The following CDC42BPB variants were observed in gnomAD, a reference collection of about 807,000 sequenced individuals.
CDC42BPB encodes the protein CDC42 binding protein kinase beta, also known as serine/threonine-protein kinase MRCK beta.
A neutral mutation model predicts 214.9 loss-of-function variants in CDC42BPB; 37 were observed. The ratio of observed to expected loss-of-function variants is 0.17; its 90% CI spans 0.13 to 0.23. CDC42BPB has a LOEUF of 0.23. Among genes scored for constraint, CDC42BPB ranks in the 10% least tolerant of loss-of-function variants. The pLI is 1.00. For missense variants in CDC42BPB, 1,694 were observed against 2,227.0 expected, an observed-to-expected ratio of 0.76 and a Z score of 4.82; for synonymous variants, 931 against 884.0, an observed-to-expected ratio of 1.05 and a Z score of -0.94.
In CDC42BPB at chr14:102,944,023, C is replaced by G; in HGVS notation, c.4276G>C (p.Ala1426Pro). 1 of 1,613,486 alleles carries G rather than the reference C, an allele frequency of 6.2e-7. No individual in the cohort carries two copies. Among genetic ancestry groups the G allele is most frequent in the Non-Finnish European group, 8.5e-7 (1 of 1,180,014 alleles). Residue 1426 changes from alanine (A) to proline (P), a missense_variant, in exon 30 of 37, where the codon GCC becomes CCC. Transcript: ENST00000361246. The surrounding 1 kb of genome is among the most constrained non-coding windows in gnomAD (Gnocchi z 6.6). ...LAFLSQQSFDALCAVELESEE... is the reference protein window; with the variant it reads ...LAFLSQQSFDPLCAVELESEE... ...CTTTCGAGCTCCACAGCACAAAGGG[C>G]ATCAAAAGACTGTTGTGAGAGGAAC...
Position 102,944,670 on chromosome 14 carries a change from C to T in CDC42BPB, c.3812-183G>A, listed in dbSNP as rs1360172828. On this transcript the variant is annotated intron_variant, in intron 29 of 36. Coordinates refer to ENST00000361246, the MANE Select transcript of CDC42BPB (RefSeq NM_006035.4). This position sits in a 1 kb window ranked among gnomAD's most constrained non-coding sequence, Gnocchi z 6.6. ...GCCCACAGAGCCAGTGGCTTGAACGCCCCCCGGAGAAGCTGCCCCACATCC... is the reference window on the plus strand; with the variant it reads ...GCCCACAGAGCCAGTGGCTTGAACGTCCCCCGGAGAAGCTGCCCCACATCC... The T allele has an allele frequency of 1.0e-6, 1 of 984,952 alleles. No individual in the cohort carries two copies. The allele number at this position is 984,952 out of a possible 1,614,324, so 61.0% of individuals were successfully genotyped here.
chr14:102,954,223 T>C lies in CDC42BPB; in HGVS notation c.3041A>G (p.Gln1014Arg), dbSNP rs1343898761. Residue 1014 changes from glutamine (Q) to arginine (R), a missense_variant, in exon 23 of 37, where the codon CAG (glutamine) becomes CGG (arginine). Physicochemically the swap from Gln to Arg is conservative, Grantham distance 43. Coordinates refer to ENST00000361246, the MANE Select transcript of CDC42BPB (RefSeq NM_006035.4). Reference sequence around the variant, plus strand: ...CTTCGGTCCAGCCAGAGCCAGGGCCTGCGTGGTGGGCAACGGCACAGCGGA... The same window carrying C: ...CTTCGGTCCAGCCAGAGCCAGGGCCCGCGTGGTGGGCAACGGCACAGCGGA... ...RPSAVPLPTT[Q>R]ALALAGPKPK... The C allele has an allele frequency of 1.3e-6, 2 of 1,548,130 alleles. No homozygotes were observed. Among genetic ancestry groups the C allele is most frequent in the African/African-American group, 2.7e-5 (2 of 72,892 alleles).
Position 102,944,238 on chromosome 14 carries a change from C to G in CDC42BPB, c.4061G>C (p.Cys1354Ser). The G allele has an allele frequency of 6.2e-7, 1 of 1,613,250 alleles. No individual in the cohort carries two copies. The highest frequency in any genetic ancestry group is 8.5e-7 in the Non-Finnish European group (1 of 1,180,038). The part of the protein sequence containing the change: ...LFVAVKRLIL[C>S]YEIQRTKPFH... Reference sequence around the variant, plus strand: ...TGGCTTCGTTCTCTGGATCTCATAGCAAAGGATCAGCCGTTTCACGGCCAC... The same window carrying G: ...TGGCTTCGTTCTCTGGATCTCATAGGAAAGGATCAGCCGTTTCACGGCCAC... The change falls in exon 30 of 37, where the codon TGC becomes TCC. Residue 1354 changes from cysteine to serine, a missense_variant. Coordinates refer to ENST00000361246, the MANE Select transcript of CDC42BPB (RefSeq NM_006035.4). This position sits in a 1 kb window ranked among gnomAD's most constrained non-coding sequence, Gnocchi z 6.6.
chr14:102,961,734 G>C (rs1892971650), intron 20 of CDC42BPB, among the ~76,000 whole-genome samples: 1 of 152,130 alleles, frequency 6.6e-6, no homozygotes, highest in Non-Finnish European at 1.5e-5. Flanking sequence ...CAAGAGATGG[G>C]GTTTCTCCAT....
chr14:102,954,351 T>C (rs1246298806), intron 22 of CDC42BPB, 76 bp from the exon 23 acceptor site: 1 of 1,446,200 alleles, frequency 6.9e-7, no homozygotes, highest in Non-Finnish European at 9.2e-7. Context: ...GGGGTGCACT[T>C]CTCTCAAGAA....
Position 102,947,794 on chromosome 14 carries a change from T to A in CDC42BPB, c.3458A>T (p.Glu1153Val). The A allele has an allele frequency of 6.2e-7, 1 of 1,612,496 alleles. No homozygotes were observed. Among genetic ancestry groups the A allele is most frequent in the Non-Finnish European group, 8.5e-7 (1 of 1,179,856 alleles). Residue 1153 changes from glutamate to valine, a missense_variant, in exon 27 of 37, where the codon GAG becomes GTG. Physicochemically the swap from Glu to Val is moderately radical, Grantham distance 121. Transcript: ENST00000361246. ...ASQVLDLRDD[E>V]FSVSSVLASD... ...GGCCAGGACTGAGCTCACGGAAAAC[T>A]CGTCATCTCTGGTAAGGAAGAAACA...
chr14:102,977,724 G>T (rs2139503085), intron 9 of CDC42BPB, among the ~76,000 whole-genome samples: 1 of 152,310 alleles, frequency 6.6e-6, no homozygotes, highest in South Asian at 2.1e-4. Context: ...GCGGCCTATT[G>T]GTCAGGGGTT....
intron 5 of CDC42BPB, among the ~76,000 whole-genome samples, chr14:102,989,647 A>G (rs964859581): frequency 6.6e-6 from 1 of 152,118 alleles, no homozygotes; most frequent in Non-Finnish European, 1.5e-5. Flanking sequence ...CTGAGGTGGA[A>G]GGATCGCCTG....
intron 30 of CDC42BPB, chr14:102,941,111 C>T (rs1187674539): frequency 5.1e-6 from 5 of 984,756 alleles, no homozygotes; most frequent in Non-Finnish European, 6.0e-6. Flanking sequence ...GAGCGGTGTG[C>T]GTCTTCCGCT....
intron 1 of CDC42BPB, among the ~76,000 whole-genome samples, chr14:103,052,302 G>A (rs1888651965): frequency 6.6e-6 from 1 of 152,118 alleles, no homozygotes; most frequent in Non-Finnish European, 1.5e-5. Flanking sequence ...CTATAATTCA[G>A]ATCTTACTCA....
At chr14:103,047,280 A>G in intron 1 of CDC42BPB, among the ~76,000 whole-genome samples, 1 of 59,872 alleles carries the variant, frequency 1.7e-5, no homozygotes, top group Non-Finnish European at 3.6e-5. Context: ...TAATACTCTC[A>G]AAAAAAAAAA....
intron 22 of CDC42BPB, 30 bp downstream of exon 22, chr14:102,954,571 TG>T: frequency 6.3e-7 from 1 of 1,587,210 alleles, no homozygotes; most frequent in Non-Finnish European, 8.6e-7. Flanking sequence ...AGACCCCAGG[TG>T]GGAGCATCAC....
intron 5 of CDC42BPB, among the ~76,000 whole-genome samples, chr14:102,993,041 G>A (rs1158349744): frequency 6.6e-6 from 1 of 151,980 alleles, no homozygotes; most frequent in Non-Finnish European, 1.5e-5. Context: ...TGTTGGCCAG[G>A]CTGGTCTTGA....
At chr14:103,048,245 C>T (rs894370492) in intron 1 of CDC42BPB, among the ~76,000 whole-genome samples, 4 of 151,906 alleles carry the variant, frequency 2.6e-5, no homozygotes, top group Non-Finnish European at 5.9e-5. Context: ...CATTGAAAAC[C>T]AAGCTAAAGA....
At chr14:103,051,878 C>T (rs913607851) in intron 1 of CDC42BPB, among the ~76,000 whole-genome samples, 12 of 151,898 alleles carry the variant, frequency 7.9e-5, no homozygotes, top group African/African-American at 2.7e-4. Context: ...CAGGGTCTTG[C>T]TCTGTTGCCC....
At position 102,986,533 on chromosome 14, in the gene CDC42BPB, C is replaced by T. The variant is rs774720497; in HGVS notation, c.644G>A (p.Arg215His). 7.4e-6 allele frequency: 12 copies of T among 1,613,860 alleles called. 1 individual carries two copies. The highest frequency in any genetic ancestry group is 4.4e-5 in the South Asian group (4 of 91,062). The change falls in exon 6 of 37, where the codon CGC becomes CAC. Residue 215 changes from arginine (R) to histidine (H), a missense_variant. Physicochemically the swap from Arg to His is conservative, Grantham distance 29. Coordinates refer to ENST00000361246, the MANE Select transcript of CDC42BPB (RefSeq NM_006035.4). ...CAAACATGATCCAAAGTCAGCCAGG[C>T]GGATATGACCATTCACGTCCAAAAG... Reference protein sequence around the residue: ...NVLLDVNGHIRLADFGSCLKM... With the variant: ...NVLLDVNGHIHLADFGSCLKM...
chr14:102,978,322 A>G, intron 8 of CDC42BPB, 117 bp from the exon 9 acceptor site: 1 of 1,523,024 alleles, frequency 6.6e-7, no homozygotes, highest in Admixed American at 2.0e-5. Flanking sequence ...GTGGCCTTGG[A>G]GAATGCGGAT....
At chr14:102,992,718 A>C (rs1417770733) in intron 5 of CDC42BPB, among the ~76,000 whole-genome samples, 1 of 151,572 alleles carries the variant, frequency 6.6e-6, no homozygotes, top group African/African-American at 2.4e-5. Context: ...AAAAATCAAA[A>C]GGAAAACATC....
chr14:103,000,695 C>T (rs887977318), intron 4 of CDC42BPB, among the ~76,000 whole-genome samples: 1 of 152,238 alleles, frequency 6.6e-6, no homozygotes, highest in Non-Finnish European at 1.5e-5. Flanking sequence ...TGTTTATCAG[C>T]CGGGGCAGGG....
Sources: gnomAD v4.1 joint callset for allele counts (sites outside exome capture counted in the v4.1 genomes callset) on GRCh38, gnomAD v4.1.1 for gene constraint, Gnocchi (gnomAD v3.1) non-coding constraint, MANE v1.5 for transcripts, NCBI Gene and HGNC (gene_info 2026-07-23, HGNC 2026-07-21) for gene names.